GALNT7: variants seen among roughly 807,000 people sequenced by gnomAD.
The protein encoded by GALNT7 is N-acetylgalactosaminyltransferase 7.
Under a neutral mutation model 82.1 loss-of-function variants are expected in GALNT7, and 60 were observed. That is an observed-to-expected ratio of 0.73 (90% confidence interval 0.59 to 0.91). GALNT7 has a LOEUF of 0.91. Ranked by LOEUF, GALNT7 falls within the 40% of genes least tolerant of loss-of-function variation. The pLI is 0.00. For missense variants in GALNT7, 660 were observed against 804.2 expected, an observed-to-expected ratio of 0.82 and a Z score of 2.17; for synonymous variants, 243 against 275.1, an observed-to-expected ratio of 0.88 and a Z score of 1.15.
intron 1 of GALNT7, among the ~76,000 whole-genome samples, chr4:173,193,569 T>A (rs1474374751): frequency 2.0e-5 from 3 of 152,226 alleles, no homozygotes; most frequent in Non-Finnish European, 2.9e-5. Context: ...TATAATTTTT[T>A]AAAGTGATAC....
At chr4:173,218,604 C>A (rs72995605) in intron 1 of GALNT7, among the ~76,000 whole-genome samples, 5,743 of 152,168 alleles carry the variant, frequency 0.038, 233 homozygotes, top group African/African-American at 0.083. Flanking sequence ...AGTTTCCCAG[C>A]CACTTAGATT....
At chr4:173,192,222 G>A (rs1732650465) in intron 1 of GALNT7, among the ~76,000 whole-genome samples, 1 of 152,092 alleles carries the variant, frequency 6.6e-6, no homozygotes, top group South Asian at 2.1e-4. Flanking sequence ...ATATAAAGAA[G>A]CGTTATTCCT....
chr4:173,295,147 T>A (rs1056382739), intron 3 of GALNT7, among the ~76,000 whole-genome samples: 2 of 152,196 alleles, frequency 1.3e-5, no homozygotes, highest in African/African-American at 4.8e-5. Flanking sequence ...ACCTTAACTG[T>A]CAATTCGAAT....
chr4:173,208,633 G>A lies in GALNT7; in HGVS notation c.127-39347G>A, dbSNP rs183753130. Reference sequence around the variant, plus strand: ...CTTTCATCTCCACTGCAGCTCTTTCGCTGGTTCATCTCCCAGCTGGCTCTC... The same window carrying A: ...CTTTCATCTCCACTGCAGCTCTTTCACTGGTTCATCTCCCAGCTGGCTCTC... On this transcript the variant is annotated intron_variant, in intron 1 of 11. Coordinates refer to ENST00000265000, the MANE Select transcript of GALNT7 (RefSeq NM_017423.3). Among the ~76,000 whole-genome samples, 74 of 152,132 alleles carry A rather than the reference G, an allele frequency of 4.9e-4. No individual in the cohort carries two copies. The East Asian group carries it at 0.011, about 23-fold the overall frequency.
chr4:173,257,825 G>C (rs1466044634), intron 2 of GALNT7, among the ~76,000 whole-genome samples: 1 of 152,136 alleles, frequency 6.6e-6, no homozygotes, highest in African/African-American at 2.4e-5. Context: ...AAAGATTTGA[G>C]AATCTAAACT....
intron 6 of GALNT7, among the ~76,000 whole-genome samples, chr4:173,300,610 G>A (rs1318090332): frequency 2.6e-5 from 4 of 151,606 alleles, no homozygotes; most frequent in East Asian, 3.9e-4. Context: ...GAGCAGAGCC[G>A]TGAAGGACTC....
chr4:173,308,930 C>T (rs559479329), intron 8 of GALNT7, among the ~76,000 whole-genome samples: 2 of 152,096 alleles, frequency 1.3e-5, no homozygotes, highest in East Asian at 3.9e-4. Flanking sequence ...GAGGAAAATC[C>T]CACTGACTCT....
intron 2 of GALNT7, among the ~76,000 whole-genome samples, chr4:173,266,768 A>G (rs1280820671): frequency 6.6e-6 from 1 of 152,106 alleles, no homozygotes; most frequent in Non-Finnish European, 1.5e-5. Flanking sequence ...TAAGCCAGGC[A>G]CCGAAAGACA....
chr4:173,238,636 T>A (rs1734310612), intron 1 of GALNT7, among the ~76,000 whole-genome samples: 1 of 152,198 alleles, frequency 6.6e-6, no homozygotes. Context: ...TTAATATTTA[T>A]GTGTGATTTT....
rs1032978605 is a variant in GALNT7 at position 173,320,476 on chromosome 4, T to C, written c.1837-1104T>C. On this transcript the variant is annotated intron_variant, in intron 11 of 11. Coordinates refer to ENST00000265000, the MANE Select transcript of GALNT7 (RefSeq NM_017423.3). The surrounding 1 kb of genome is among the most constrained non-coding windows in gnomAD (Gnocchi z 4.1). ...GGAATTCTGTATTTTTGCAAATCTC[T>C]TTAATGTCTGGTTTAATAGAAGAAG... Among the ~76,000 whole-genome samples, 41 of 152,272 alleles carry C rather than the reference T, an allele frequency of 2.7e-4. No individual in the cohort carries two copies. The highest frequency in any genetic ancestry group is 9.6e-4 in the African/African-American group (40 of 41,566).
intron 10 of GALNT7, 142 bp downstream of exon 10, chr4:173,317,874 T>A (rs1684029461): frequency 1.6e-6 from 1 of 612,990 alleles, no homozygotes; most frequent in African/African-American, 1.9e-5. Flanking sequence ...GTAAAAAAAT[T>A]GACAGTGTTA....
intron 2 of GALNT7, among the ~76,000 whole-genome samples, chr4:173,272,781 T>C (rs1441843390): frequency 1.3e-5 from 2 of 152,222 alleles, no homozygotes; most frequent in African/African-American, 4.8e-5. Context: ...ACAAGATAAA[T>C]TACTAAGTGT....
intron 1 of GALNT7, among the ~76,000 whole-genome samples, chr4:173,203,742 C>G (rs1447346202): frequency 6.6e-6 from 1 of 152,184 alleles, no homozygotes; most frequent in African/African-American, 2.4e-5. Flanking sequence ...CACTTTTGCT[C>G]TACTTCCTCC....
At chr4:173,184,187 T>C (rs920961821) in intron 1 of GALNT7, among the ~76,000 whole-genome samples, 1 of 150,502 alleles carries the variant, frequency 6.6e-6, no homozygotes, top group African/African-American at 2.4e-5. Context: ...CCTCACTTCC[T>C]AGACGGGGTG....
chr4:173,197,063 CTTTTT>C (rs5864189), intron 1 of GALNT7, among the ~76,000 whole-genome samples: 2,401 of 117,956 alleles, frequency 0.02, 48 homozygotes, highest in East Asian at 0.092. Flanking sequence ...CTCTCTCTCC[CTTTTT>C]TTTTTTTTTT....
intron 2 of GALNT7, among the ~76,000 whole-genome samples, chr4:173,274,634 A>G (rs1439540545): frequency 6.6e-6 from 1 of 152,196 alleles, no homozygotes; most frequent in Non-Finnish European, 1.5e-5. Flanking sequence ...TCTATTTCAC[A>G]GGGTTACTGT....
chr4:173,205,525 T>A (rs1733060087), intron 1 of GALNT7, among the ~76,000 whole-genome samples: 1 of 152,058 alleles, frequency 6.6e-6, no homozygotes, highest in South Asian at 2.1e-4. Context: ...TGGTTTTCTC[T>A]AGTGGTATGC....
chr4:173,177,453 C>T (rs1368575540), intron 1 of GALNT7, among the ~76,000 whole-genome samples: 1 of 152,022 alleles, frequency 6.6e-6, no homozygotes, highest in Non-Finnish European at 1.5e-5. Context: ...GTGTCTGAAG[C>T]ACAGGGAGTG....
At chr4:173,209,624 A>G (rs928497011) in intron 1 of GALNT7, among the ~76,000 whole-genome samples, 2 of 152,116 alleles carry the variant, frequency 1.3e-5, no homozygotes, top group Admixed American at 1.3e-4. Context: ...CAGTCACCCA[A>G]TCTGATCTCC....
Sources: allele counts gnomAD v4.1 joint callset (sites outside exome capture counted in the v4.1 genomes callset), GRCh38; gene constraint gnomAD v4.1.1; non-coding constraint Gnocchi (gnomAD v3.1); transcripts MANE v1.5; gene names NCBI Gene and HGNC (gene_info 2026-07-23, HGNC 2026-07-21).